Variants in CDH4 observed in about 807,000 individuals in gnomAD.
The protein encoded by CDH4 is cadherin-4.
Under a neutral mutation model 86.0 loss-of-function variants are expected in CDH4, and 33 were observed. The observed-to-expected ratio is 0.38, with a 90% CI of 0.29 to 0.51. The LOEUF (loss-of-function observed/expected upper bound fraction) is 0.51, where lower values mean the gene tolerates loss of function less well. Ranked by LOEUF, CDH4 falls within the 20% of genes least tolerant of loss-of-function variation. The pLI, the probability that CDH4 is intolerant of heterozygous loss-of-function variation, is 0.86. For missense variants in CDH4, 1,114 were observed against 1,307.4 expected (o/e 0.85, Z 2.28); for synonymous variants, 555 against 549.4 (o/e 1.01, Z -0.14).
chr20:61,416,896 CCTGACTCACTGCCTT>C (rs1212752488), intron 2 of CDH4, among the ~76,000 whole-genome samples: 2 of 151,924 alleles, frequency 1.3e-5, no homozygotes, highest in Non-Finnish European at 2.9e-5. Context: ...ACAGTTTTGT[CCTGACTCACTGCCTT>C]TGGGGAGAAG....
chr20:61,646,697 C>A (rs1369619188), intron 2 of CDH4, among the ~76,000 whole-genome samples: 1 of 152,250 alleles, frequency 6.6e-6, no homozygotes, highest in East Asian at 1.9e-4. Flanking sequence ...GCCCCGGCTG[C>A]TCGCCTGCCT....
At chr20:61,772,062 T>TA (rs754503472) in intron 3 of CDH4, among the ~76,000 whole-genome samples, 107 of 152,350 alleles carry the variant, frequency 7.0e-4, no homozygotes, top group Non-Finnish European at 1.3e-3. Context: ...GCCTGGGCCC[T>TA]ATGCTAAGCA....
rs1034375973 is a variant in CDH4, at chr20:61,706,572, T to C, written c.170-36991T>C. Among the ~76,000 whole-genome samples, 11 of 152,098 alleles carry C rather than the reference T, an allele frequency of 7.2e-5. 1 individual carries two copies. The East Asian group carries it at 1.7e-3, about 24-fold the overall frequency. ...ATGGAAAGGCCAGCCCAAATGGAAG[T>C]TGGAGTTTGCTGAGCTGAGGACAGG... is the stretch of plus-strand genomic sequence containing the variant. On this transcript the variant is annotated intron_variant, in intron 2 of 15. Coordinates refer to ENST00000614565, the MANE Select transcript of CDH4 (RefSeq NM_001794.5).
chr20:61,439,385 C>G (rs1413040535), intron 2 of CDH4, among the ~76,000 whole-genome samples: 1 of 152,184 alleles, frequency 6.6e-6, no homozygotes. Flanking sequence ...CCTGTCCGGA[C>G]TTGGAGTTTC....
intron 6 of CDH4, among the ~76,000 whole-genome samples, chr20:61,862,591 G>A (rs749692314): frequency 3.9e-5 from 6 of 152,126 alleles, no homozygotes; most frequent in East Asian, 1.9e-4. Flanking sequence ...TGGACCCCTC[G>A]CTCCCCATCA....
chr20:61,429,466 G>C lies in CDH4; in HGVS notation c.169+174529G>C, dbSNP rs1359525179. Among the ~76,000 whole-genome samples, 6 of 152,222 alleles carry C rather than the reference G, an allele frequency of 3.9e-5. No homozygotes were observed. In the East Asian group the frequency reaches 1.2e-3, roughly 29 times the overall value. On this transcript the variant is annotated intron_variant, in intron 2 of 15. Coordinates refer to ENST00000614565, the MANE Select transcript of CDH4 (RefSeq NM_001794.5). ...ACACCCAGTGAGGTCTCTCATCTCTGTATCTCCAGTACAGGGCAGCAAATT... is the reference window on the plus strand; with the variant it reads ...ACACCCAGTGAGGTCTCTCATCTCTCTATCTCCAGTACAGGGCAGCAAATT...
chr20:61,408,818 T>C (rs1047913653), intron 2 of CDH4, among the ~76,000 whole-genome samples: 4 of 152,124 alleles, frequency 2.6e-5, no homozygotes, highest in Non-Finnish European at 4.4e-5. Context: ...TACAGATGTT[T>C]ATGGAAGGGA....
In CDH4 at chr20:61,857,422, T is replaced by C. The variant is rs1292946444; in HGVS notation, c.877+4524T>C. Reference sequence around the variant, plus strand: ...GAAATCAACGTTGGTTTATTTCAAGTTCCCCAGAAAGTGGAACCAAAATCA... The same window carrying C: ...GAAATCAACGTTGGTTTATTTCAAGCTCCCCAGAAAGTGGAACCAAAATCA... On this transcript the variant is annotated intron_variant, in intron 6 of 15. Coordinates refer to ENST00000614565, the MANE Select transcript of CDH4 (RefSeq NM_001794.5). Among the ~76,000 whole-genome samples the C allele has an allele frequency of 2.6e-5, 4 of 152,202 alleles. No homozygotes were observed. In the South Asian group the frequency reaches 6.2e-4, roughly 24 times the overall value.
At chr20:61,707,125 T>G (rs2087840178) in intron 2 of CDH4, among the ~76,000 whole-genome samples, 1 of 152,258 alleles carries the variant, frequency 6.6e-6, no homozygotes, top group Non-Finnish European at 1.5e-5. Flanking sequence ...GTCATCCATG[T>G]CTGGACAGAG....
chr20:61,476,299 C>A (rs1490934281), intron 2 of CDH4, among the ~76,000 whole-genome samples: 1 of 152,220 alleles, frequency 6.6e-6, no homozygotes, highest in South Asian at 2.1e-4. Flanking sequence ...TGGTTCCTGT[C>A]CTCGGTAGAC....
chr20:61,410,021 C>A (rs890234488), intron 2 of CDH4, among the ~76,000 whole-genome samples: 2 of 152,334 alleles, frequency 1.3e-5, no homozygotes, highest in African/African-American at 4.8e-5. Flanking sequence ...GTGTACAGTG[C>A]AGCTCAGTGC....
At chr20:61,871,038 G>GGT (rs1983781257) in intron 6 of CDH4, among the ~76,000 whole-genome samples, 1 of 88,558 alleles carries the variant, frequency 1.1e-5, no homozygotes, top group African/African-American at 4.1e-5. Context: ...ATATTTATAG[G>GGT]ATGTGTGTGT....
At chr20:61,874,959 G>A (rs905472711) in intron 7 of CDH4, among the ~76,000 whole-genome samples, 1 of 152,188 alleles carries the variant, frequency 6.6e-6, no homozygotes, top group Admixed American at 6.5e-5. Context: ...CCAAGTTGGC[G>A]GCTTCTGAGT....
chr20:61,468,125 A>G (rs913542868), intron 2 of CDH4, among the ~76,000 whole-genome samples: 2 of 152,204 alleles, frequency 1.3e-5, no homozygotes, highest in Non-Finnish European at 2.9e-5. Flanking sequence ...TCCATCACCT[A>G]GGGGTGATTG....
intron 2 of CDH4, among the ~76,000 whole-genome samples, chr20:61,387,626 A>G (rs6121684): frequency 0.25 from 37,511 of 152,040 alleles, 5,010 homozygotes; most frequent in African/African-American, 0.34. Flanking sequence ...AAAAAGATAC[A>G]CACAGACACA....
chr20:61,364,539 AG>A (rs2084800973), intron 2 of CDH4, among the ~76,000 whole-genome samples: 1 of 152,134 alleles, frequency 6.6e-6, no homozygotes, highest in African/African-American at 2.4e-5. Flanking sequence ...CCGCATCAGG[AG>A]GGGGGTTCCA....
At chr20:61,305,752 A>C (rs923747105) in intron 2 of CDH4, among the ~76,000 whole-genome samples, 1 of 152,148 alleles carries the variant, frequency 6.6e-6, no homozygotes, top group African/African-American at 2.4e-5. Flanking sequence ...CTTGATCTGG[A>C]GCTTGTCATT....
intron 2 of CDH4, among the ~76,000 whole-genome samples, chr20:61,584,449 C>G (rs1387182577): frequency 6.6e-6 from 1 of 152,154 alleles, no homozygotes; most frequent in Admixed American, 6.5e-5. Flanking sequence ...TCTTCTCGCC[C>G]TAACAGTTCT....
At position 61,565,062 on chromosome 20, in the gene CDH4, T is replaced by TTGGTGG. The variant is rs140113205; in HGVS notation, c.170-178480_170-178475dup. Among the ~76,000 whole-genome samples, 124 of 101,250 alleles carry TTGGTGG rather than the reference T, an allele frequency of 1.2e-3. 7 individuals carry two copies. Among genetic ancestry groups the TTGGTGG allele is most frequent in the South Asian group, 5.8e-3 (14 of 2,402 alleles). The allele number at this position is 101,250 out of a possible 152,430, so 66.4% of individuals were successfully genotyped here. A position where few individuals can be genotyped will look rare whatever the true frequency, so the allele number is the denominator to read the frequency against. On this transcript the variant is annotated intron_variant, in intron 2 of 15. Coordinates refer to ENST00000614565, the MANE Select transcript of CDH4 (RefSeq NM_001794.5). ...TTCTTTGCTGCCACTGGTGGTGCTC[T>TTGGTGG]TGGTGGTGGTGGTGGTGGTGGTGGT...
Sources: gnomAD v4.1 joint callset for allele counts (sites outside exome capture counted in the v4.1 genomes callset) on GRCh38, gnomAD v4.1.1 for gene constraint, MANE v1.5 for transcripts, NCBI Gene and HGNC (gene_info 2026-07-23, HGNC 2026-07-21) for gene names.